Variants in DKKL1 observed in about 807,000 individuals in gnomAD.
DKKL1 encodes the protein dickkopf like acrosomal protein 1, also known as dickkopf-like protein 1.
DKKL1 carries 11 observed loss-of-function variants against 16.5 expected under a neutral mutation model. The ratio of observed to expected loss-of-function variants is 0.67; its 90% confidence interval spans 0.42 to 1.10. DKKL1 has a LOEUF of 1.10. Among genes scored for constraint, DKKL1 ranks in the 50% least tolerant of loss-of-function variants. The pLI is 0.00. For synonymous variants in DKKL1, 119 were observed against 133.2 expected, an observed-to-expected ratio of 0.89 and a Z score of 0.73; for missense variants, 320 against 308.1, an observed-to-expected ratio of 1.04 and a Z score of -0.29.
At chr19:49,363,705 A>C (rs888338242), upstream of DKKL1, 1 of 484,328 alleles carries the variant, frequency 2.1e-6, no homozygotes, top group Non-Finnish European at 3.8e-6. Flanking sequence ...GAATGAACTC[A>C]CGGCTCTGGC....
Position 49,364,585 on chromosome 19 carries a change from C to T in DKKL1, c.14C>T (p.Ser5Phe), listed in dbSNP as rs753776234. The T allele has an allele frequency of 3.4e-5, 54 of 1,609,392 alleles. No homozygotes were observed. Among genetic ancestry groups the T allele is most frequent in the Non-Finnish European group, 4.1e-5 (48 of 1,178,478 alleles). MGEASPPAPARRHLL... is the reference protein window; with the variant it reads MGEAFPPAPARRHLL... ...CTGACCCCGACCCTTGCCACAGCCT[C>T]CCCACCTGCCCCCGCAAGGCGGCAT... Residue 5 changes from serine (S) to phenylalanine (F), a missense_variant, in exon 2 of 5, where the codon TCC becomes TTC. Transcript: ENST00000221498.
chr19:49,361,245 G>A (rs1366321423), upstream of DKKL1, among the ~76,000 whole-genome samples: 1 of 145,950 alleles, frequency 6.9e-6, no homozygotes, highest in Admixed American at 6.8e-5. Context: ...GAGACCCAGA[G>A]AGAGGGGGAC....
rs768795944 is a variant in DKKL1 at position 49,374,829 on chromosome 19, G to A, written c.530G>A (p.Arg177Gln). 22 of 1,613,640 alleles carry A rather than the reference G, an allele frequency of 1.4e-5. No individual in the cohort carries two copies. Among genetic ancestry groups the A allele is most frequent in the Admixed American group, 6.7e-5 (4 of 59,976 alleles). ...TTCTGGATCATTAAGCTGCCACGGC[G>A]GAGGTCCCACCAGGATGCCCTGGAG... ...VAFWIIKLPR[R>Q]RSHQDALEGG... The change falls in exon 5 of 5, where the codon CGG becomes CAG. Residue 177 changes from arginine (R) to glutamine (Q), a missense_variant. Physicochemically the swap from Arg to Gln is conservative, Grantham distance 43 (BLOSUM62 1). Transcript: ENST00000221498.
At chr19:49,372,324 G>C (rs1422822112) in intron 4 of DKKL1, among the ~76,000 whole-genome samples, 1 of 151,840 alleles carries the variant, frequency 6.6e-6, no homozygotes, top group Non-Finnish European at 1.5e-5. Context: ...ACTTTGGGAG[G>C]CAGAGACGGG....
chr19:49,364,663 C>A lies in DKKL1; in HGVS notation c.92C>A (p.Ala31Asp), dbSNP rs372117146. 13 of 1,614,008 alleles carry A rather than the reference C, an allele frequency of 8.1e-6. No individual in the cohort carries two copies. Among genetic ancestry groups the A allele is most frequent in the Non-Finnish European group, 1.0e-5 (12 of 1,180,040 alleles). ...LSTLVIPSAA[A>D]PIHDADAQES... The stretch of plus-strand genomic sequence containing the variant: ...ACCCTGGTGATCCCCTCCGCTGCAG[C>A]TCCTATCCATGATGCTGACGCCCAA... Residue 31 changes from alanine to aspartate, a missense_variant, in exon 2 of 5, where the codon GCT (alanine) becomes GAT (aspartate). Physicochemically the swap from Ala to Asp is moderately radical, Grantham distance 126. Coordinates refer to ENST00000221498, the MANE Select transcript of DKKL1 (RefSeq NM_014419.4).
upstream of DKKL1, chr19:49,362,437 GC>G (rs1471549849): frequency 6.6e-6 from 1 of 152,170 alleles, no homozygotes; most frequent in Non-Finnish European, 1.5e-5. Flanking sequence ...GTTGCCGGGA[GC>G]TTTGTTTGGG....
chr19:49,374,828 C>CGGA lies in DKKL1; in HGVS notation c.532_534dup (p.Arg178dup). 1 of 1,613,640 alleles carries CGGA rather than the reference C, an allele frequency of 6.2e-7. No individual in the cohort carries two copies. Among genetic ancestry groups the CGGA allele is most frequent in the South Asian group, 1.1e-5 (1 of 90,990 alleles). On this transcript the variant is annotated inframe_insertion, in exon 5 of 5. Coordinates refer to ENST00000221498, the MANE Select transcript of DKKL1 (RefSeq NM_014419.4). Reference sequence around the variant, plus strand: ...CTTCTGGATCATTAAGCTGCCACGGCGGAGGTCCCACCAGGATGCCCTGGA... The same window carrying CGGA: ...CTTCTGGATCATTAAGCTGCCACGGCGGAGGAGGTCCCACCAGGATGCCCTGGA...
In DKKL1 at chr19:49,364,761, G is replaced by T. The variant is rs576586238; in HGVS notation, c.183+7G>T. 1 of 1,611,442 alleles carries T rather than the reference G, an allele frequency of 6.2e-7. No individual in the cohort carries two copies. The highest frequency in any genetic ancestry group is 1.7e-5 in the Admixed American group (1 of 59,634). On this transcript the variant is annotated splice_region_variant and intron_variant, in intron 2 of 4. Transcript: ENST00000221498. ...CAGCCGACTTTTCCTGAAAGTAAGC[G>T]ATGGCGGGGGGATGGGGGAAGAAGT...
At chr19:49,364,947 C>T (rs1250465892) in intron 2 of DKKL1, among the ~76,000 whole-genome samples, 193 bp downstream of exon 2, 1 of 152,048 alleles carries the variant, frequency 6.6e-6, no homozygotes, top group Non-Finnish European at 1.5e-5. Context: ...GCAGAAGGAT[C>T]ATTGGAGCCC....
At chr19:49,364,156 C>G in intron 1 of DKKL1, 148 bp downstream of exon 1, 1 of 1,090,802 alleles carries the variant, frequency 9.2e-7, no homozygotes, top group Non-Finnish European at 1.3e-6. Flanking sequence ...TCGAGACCAG[C>G]CTGGGCAATA....
At chr19:49,372,331 C>T (rs531503473) in intron 4 of DKKL1, among the ~76,000 whole-genome samples, 73 of 152,104 alleles carry the variant, frequency 4.8e-4, no homozygotes, top group South Asian at 3.5e-3. Flanking sequence ...GAGGCAGAGA[C>T]GGGCGGATCA....
At chr19:49,364,048 A>G in intron 1 of DKKL1, 40 bp downstream of exon 1, 1 of 1,611,284 alleles carries the variant, frequency 6.2e-7, no homozygotes. Context: ...GGCGAAAGTG[A>G]GGAAAAGACC....
At chr19:49,371,273 G>A (rs1227524322) in intron 4 of DKKL1, 1 of 152,196 alleles carries the variant, frequency 6.6e-6, no homozygotes, top group Admixed American at 6.5e-5. Flanking sequence ...ACACCTGGAA[G>A]GGCCGGGTCA....
intron 4 of DKKL1, among the ~76,000 whole-genome samples, 167 bp downstream of exon 4, chr19:49,366,052 T>G (rs1271728475): frequency 1.3e-5 from 2 of 152,150 alleles, no homozygotes; most frequent in South Asian, 4.1e-4. Context: ...CTCAAGCTCC[T>G]TGGTAGCTGG....
At chr19:49,366,988 A>G (rs1262779429) in intron 4 of DKKL1, among the ~76,000 whole-genome samples, 2 of 151,574 alleles carry the variant, frequency 1.3e-5, no homozygotes, top group Admixed American at 6.6e-5. Context: ...GATTATAGAC[A>G]TGAGCCACCA....
At position 49,370,369 on chromosome 19, in the gene DKKL1, T is replaced by C. The variant is rs147032589; in HGVS notation, c.418-4348T>C. 208 of 136,662 alleles carry C rather than the reference T, an allele frequency of 1.5e-3. 1 individual carries two copies. The highest frequency in any genetic ancestry group is 5.5e-3 in the African/African-American group (199 of 36,018). The allele number at this position is 136,662 out of a possible 1,614,324, so 8.5% of individuals were successfully genotyped here. On this transcript the variant is annotated intron_variant, in intron 4 of 4. Transcript: ENST00000221498. ...AAGGATGCCTCACTGGACTTGAAGG[T>C]TGACAAACGCATGAAAGAAAAAGTT...
In DKKL1 at chr19:49,363,890, A is replaced by G; in HGVS notation, c.-109A>G. The G allele has an allele frequency of 6.7e-7, 1 of 1,484,210 alleles. No individual in the cohort carries two copies. The highest frequency in any genetic ancestry group is 1.4e-5 in the African/African-American group (1 of 71,872). 91.9% of individuals were successfully genotyped at this position (1,484,210 alleles called of 1,614,324 possible). On this transcript the variant is annotated 5_prime_UTR_variant, in exon 1 of 5. Transcript: ENST00000221498. ...ACGCTCTAGACCAGACCTGGGCTCG[A>G]GACCATAACTGTTTGGCTTTAACAG...
Position 49,363,881 on chromosome 19 carries a change from C to G in DKKL1, c.-118C>G. On this transcript the variant is annotated 5_prime_UTR_variant, in exon 1 of 5. Coordinates refer to ENST00000221498, the MANE Select transcript of DKKL1 (RefSeq NM_014419.4). Reference sequence around the variant, plus strand: ...GCGCAACCAACGCTCTAGACCAGACCTGGGCTCGAGACCATAACTGTTTGG... The same window carrying G: ...GCGCAACCAACGCTCTAGACCAGACGTGGGCTCGAGACCATAACTGTTTGG... The G allele has an allele frequency of 2.1e-6, 3 of 1,434,434 alleles. No homozygotes were observed. Among genetic ancestry groups the G allele is most frequent in the South Asian group, 2.5e-5 (2 of 81,594 alleles). 88.9% of individuals were successfully genotyped at this position (1,434,434 alleles called of 1,614,324 possible). A position where few individuals can be genotyped will look rare whatever the true frequency, so the allele number is the denominator to read the frequency against.
upstream of DKKL1, chr19:49,363,495 A>G: frequency 4.5e-6 from 1 of 220,124 alleles, no homozygotes; most frequent in Non-Finnish European, 9.3e-6. Flanking sequence ...AAGATCTGGG[A>G]CGCAGGGGCG....
Sources: gnomAD v4.1 joint callset for allele counts (sites outside exome capture counted in the v4.1 genomes callset) on GRCh38, gnomAD v4.1.1 for gene constraint, MANE v1.5 for transcripts, NCBI Gene and HGNC (gene_info 2026-07-23, HGNC 2026-07-21) for gene names.